Variants in L3MBTL4 observed in about 807,000 individuals in gnomAD.
The protein encoded by L3MBTL4 is lethal(3)malignant brain tumor-like protein 4.
A neutral mutation model predicts 84.5 loss-of-function variants in L3MBTL4; 70 were observed. The observed-to-expected ratio is 0.83, with a 90% confidence interval of 0.68 to 1.01. The LOEUF (loss-of-function observed/expected upper bound fraction) is 1.01. Among genes scored for constraint, L3MBTL4 ranks in the 50% least tolerant of loss-of-function variants. L3MBTL4 has a pLI of 0.00. For synonymous variants in L3MBTL4, 274 were observed against 259.8 expected (o/e 1.05, Z -0.52); for missense variants, 715 against 754.8 (o/e 0.95, Z 0.62).
chr18:6,350,714 C>G (rs2053143299), intron 1 of L3MBTL4, among the ~76,000 whole-genome samples: 1 of 152,140 alleles, frequency 6.6e-6, no homozygotes, highest in Admixed American at 6.5e-5. Context: ...ATAGCAATTT[C>G]ACTTCTAGGT....
chr18:6,322,522 A>G (rs947838744), intron 1 of L3MBTL4, among the ~76,000 whole-genome samples: 2 of 147,298 alleles, frequency 1.4e-5, no homozygotes, highest in African/African-American at 4.9e-5. Flanking sequence ...AAAAAAAAAC[A>G]AACAAACAGT....
At chr18:5,977,464 A>G (rs2053001520) in intron 16 of L3MBTL4, among the ~76,000 whole-genome samples, 1 of 152,154 alleles carries the variant, frequency 6.6e-6, no homozygotes, top group African/African-American at 2.4e-5. Context: ...ACTGGCCTGG[A>G]GCATCAGGCT....
chr18:6,267,508 A>G (rs1267498867), intron 4 of L3MBTL4, among the ~76,000 whole-genome samples: 2 of 152,228 alleles, frequency 1.3e-5, no homozygotes, highest in African/African-American at 4.8e-5. Context: ...AGACTATTCA[A>G]CATCCCAATT....
chr18:6,249,749 T>C (rs1201417302), intron 5 of L3MBTL4, among the ~76,000 whole-genome samples: 1 of 152,212 alleles, frequency 6.6e-6, no homozygotes, highest in Non-Finnish European at 1.5e-5. Flanking sequence ...ACTGTGCTTA[T>C]AAGATTATAT....
intron 4 of L3MBTL4, among the ~76,000 whole-genome samples, chr18:6,280,452 GC>G: frequency 6.6e-6 from 1 of 152,254 alleles, no homozygotes; most frequent in South Asian, 2.1e-4. Flanking sequence ...ATGACTGAAA[GC>G]CCTAAACTGT....
At chr18:6,255,945 A>G (rs2048121534) in intron 5 of L3MBTL4, among the ~76,000 whole-genome samples, 1 of 152,240 alleles carries the variant, frequency 6.6e-6, no homozygotes, top group Non-Finnish European at 1.5e-5. Flanking sequence ...CATTTGGCTT[A>G]TGATTAATAT....
At chr18:5,978,881 G>A (rs563701921) in intron 16 of L3MBTL4, among the ~76,000 whole-genome samples, 3 of 152,306 alleles carry the variant, frequency 2.0e-5, no homozygotes, top group African/African-American at 7.2e-5. Flanking sequence ...GCAGGTCTGC[G>A]TGCTGCTCTC....
intron 10 of L3MBTL4, among the ~76,000 whole-genome samples, chr18:6,228,308 A>C (rs2046858605): frequency 6.6e-6 from 1 of 152,208 alleles, no homozygotes; most frequent in South Asian, 2.1e-4. Context: ...ACTTCACTAG[A>C]ATAAAAGAAA....
intron 13 of L3MBTL4, among the ~76,000 whole-genome samples, chr18:6,151,280 T>C (rs2042882688): frequency 6.6e-6 from 1 of 152,240 alleles, no homozygotes; most frequent in Non-Finnish European, 1.5e-5. Flanking sequence ...AACTCATAAG[T>C]CATATTATGG....
At chr18:6,383,431 C>G (rs752939246) in intron 1 of L3MBTL4, among the ~76,000 whole-genome samples, 1 of 152,100 alleles carries the variant, frequency 6.6e-6, no homozygotes, top group Non-Finnish European at 1.5e-5. Context: ...AACTCAGGGC[C>G]CTGGTGGGGT....
intron 12 of L3MBTL4, among the ~76,000 whole-genome samples, chr18:6,180,643 T>C (rs926177971): frequency 6.6e-6 from 1 of 152,226 alleles, no homozygotes. Context: ...CTATTTTTAT[T>C]TGTAAGGCCA....
At chr18:6,076,843 C>T (rs954876848) in intron 16 of L3MBTL4, among the ~76,000 whole-genome samples, 1 of 152,102 alleles carries the variant, frequency 6.6e-6, no homozygotes, top group African/African-American at 2.4e-5. Flanking sequence ...AAAGAAACAA[C>T]TTTCTAGCTG....
chr18:6,289,054 T>C (rs1043616879), intron 4 of L3MBTL4, among the ~76,000 whole-genome samples: 5 of 151,980 alleles, frequency 3.3e-5, no homozygotes, highest in Non-Finnish European at 7.4e-5. Context: ...AAGAATCTTA[T>C]ATAGTAAGTT....
chr18:6,295,346 C>CTCTCTATATATATATATA (rs1261475809), intron 4 of L3MBTL4, among the ~76,000 whole-genome samples: 2 of 81,388 alleles, frequency 2.5e-5, no homozygotes, highest in East Asian at 4.0e-4. Context: ...CTCTCTCTCT[C>CTCTCTATATATATATATA]TATATATATA....
At chr18:6,051,422 C>T (rs1049876705) in intron 16 of L3MBTL4, among the ~76,000 whole-genome samples, 17 of 152,210 alleles carry the variant, frequency 1.1e-4, no homozygotes, top group African/African-American at 4.1e-4. Flanking sequence ...GCCTGTAATC[C>T]CAGCTACTCA....
intron 10 of L3MBTL4, among the ~76,000 whole-genome samples, chr18:6,237,572 C>T (rs1417852474): frequency 1.3e-5 from 2 of 150,442 alleles, no homozygotes; most frequent in African/African-American, 4.9e-5. Context: ...TCTCCTGCCT[C>T]AGCCTCCCAA....
intron 15 of L3MBTL4, among the ~76,000 whole-genome samples, chr18:6,090,235 T>A (rs905661974): frequency 2.6e-5 from 4 of 152,164 alleles, no homozygotes; most frequent in Non-Finnish European, 4.4e-5. Flanking sequence ...TGTATCTTAC[T>A]GTTATAAAGA....
chr18:6,019,488 G>A (rs781356482), intron 16 of L3MBTL4, among the ~76,000 whole-genome samples: 6 of 152,056 alleles, frequency 3.9e-5, no homozygotes, highest in African/African-American at 7.2e-5. Context: ...TTTTTTCTTC[G>A]TTCGTCTTCA....
chr18:6,037,855 A>G (rs1195708678), intron 16 of L3MBTL4, among the ~76,000 whole-genome samples: 1 of 152,226 alleles, frequency 6.6e-6, no homozygotes. Context: ...ATTAGGGAAT[A>G]TTTAGATGTT....
Sources: allele counts gnomAD v4.1 joint callset (sites outside exome capture counted in the v4.1 genomes callset), GRCh38; gene constraint gnomAD v4.1.1; transcripts MANE v1.5; gene names NCBI Gene and HGNC (gene_info 2026-07-23, HGNC 2026-07-21).